DENND5A: variants seen among roughly 807,000 people sequenced by gnomAD.
DENND5A encodes the protein DENN domain containing 5A.
In DENND5A, 64 loss-of-function variants were observed where a neutral mutation model predicts 140.3. That is an observed-to-expected ratio of 0.46 (90% confidence interval 0.37 to 0.56). The LOEUF is 0.56. Ranked by LOEUF, DENND5A falls within the 20% of genes least tolerant of loss-of-function variation. The pLI is 0.00. For synonymous variants in DENND5A, 605 were observed against 607.7 expected (o/e 1.00, Z 0.07); for missense variants, 1,292 against 1,593.8 (o/e 0.81, Z 3.22).
intron 1 of DENND5A, among the ~76,000 whole-genome samples, chr11:9,225,737 G>T (rs1398106580): frequency 6.6e-6 from 1 of 152,146 alleles, no homozygotes; most frequent in East Asian, 1.9e-4. Context: ...ACTCCAGCCT[G>T]GGCAACAGAG....
In DENND5A at chr11:9,237,381, C is replaced by T. The variant is rs562212207; in HGVS notation, c.109+27580G>A. Among the ~76,000 whole-genome samples the T allele has an allele frequency of 2.0e-5, 3 of 152,002 alleles. No individual in the cohort carries two copies. The South Asian group carries it at 6.3e-4, about 32-fold the overall frequency. The stretch of plus-strand genomic sequence containing the variant: ...AGGTTGCAGTGAGGCAAGATTGTAC[C>T]ACTGCACTCCAGCCTGGGCAGTAAG... On this transcript the variant is annotated intron_variant, in intron 1 of 22. Transcript: ENST00000328194.
At chr11:9,227,722 C>A (rs1850589409) in intron 1 of DENND5A, among the ~76,000 whole-genome samples, 1 of 151,774 alleles carries the variant, frequency 6.6e-6, no homozygotes, top group Non-Finnish European at 1.5e-5. Flanking sequence ...CTATGGGAGG[C>A]CAAGATGGGA....
chr11:9,158,372 T>C (rs1460581507), intron 12 of DENND5A, among the ~76,000 whole-genome samples: 2 of 147,382 alleles, frequency 1.4e-5, no homozygotes. Flanking sequence ...TAGGGAGACC[T>C]CATCTCTACA....
intron 1 of DENND5A, among the ~76,000 whole-genome samples, chr11:9,262,934 G>C (rs1432962505): frequency 6.6e-6 from 1 of 151,862 alleles, no homozygotes; most frequent in African/African-American, 2.4e-5. Flanking sequence ...GTAGAGACGG[G>C]GTTTCACCCT....
chr11:9,150,705 T>C lies in DENND5A; in HGVS notation c.2581A>G (p.Arg861Gly). 7 of 1,613,486 alleles carry C rather than the reference T, an allele frequency of 4.3e-6. No homozygotes were observed. The highest frequency in any genetic ancestry group is 5.9e-6 in the Non-Finnish European group (7 of 1,179,546). The change falls in exon 14 of 23, where the codon AGG (arginine) becomes GGG (glycine). Residue 861 changes from arginine (R) to glycine (G), a missense_variant. Physicochemically the swap from Arg to Gly is moderately radical, Grantham distance 125 (BLOSUM62 -2). Transcript: ENST00000328194. ...CTCATATCCTGAATCAGGGAGATCC[T>C]CAGGGGAGGCATGAGTGAGCTGGCA... is the stretch of plus-strand genomic sequence containing the variant. Reference protein sequence around the residue: ...SDASSLMPPLRISLIQDMRHI... With the variant: ...SDASSLMPPLGISLIQDMRHI...
chr11:9,222,007 T>C (rs949806470), intron 1 of DENND5A, among the ~76,000 whole-genome samples: 7 of 152,096 alleles, frequency 4.6e-5, no homozygotes, highest in African/African-American at 1.7e-4. Flanking sequence ...TCCGCCCACC[T>C]TGGCCTCCCA....
At chr11:9,252,792 G>C (rs1288885544) in intron 1 of DENND5A, among the ~76,000 whole-genome samples, 3 of 151,920 alleles carry the variant, frequency 2.0e-5, no homozygotes, top group African/African-American at 7.3e-5. Flanking sequence ...TGTGTACCCA[G>C]GTTCCTAAGA....
At chr11:9,247,514 T>C (rs1009811056) in intron 1 of DENND5A, among the ~76,000 whole-genome samples, 1 of 151,592 alleles carries the variant, frequency 6.6e-6, no homozygotes, top group East Asian at 1.9e-4. Flanking sequence ...AAAATGTTTT[T>C]ATCAAATAAA....
At chr11:9,142,236 T>A in intron 21 of DENND5A, 128 bp from the exon 22 acceptor site, 1 of 653,074 alleles carries the variant, frequency 1.5e-6, no homozygotes, top group Non-Finnish European at 2.5e-6. Context: ...ACAAGTGTTC[T>A]GATGTCACTG....
chr11:9,258,119 C>T (rs998423511), intron 1 of DENND5A, among the ~76,000 whole-genome samples: 1 of 152,062 alleles, frequency 6.6e-6, no homozygotes, highest in Non-Finnish European at 1.5e-5. Context: ...AGTATTCTTT[C>T]TTTTTCCTTT....
At chr11:9,230,107 C>T (rs189380540) in intron 1 of DENND5A, among the ~76,000 whole-genome samples, 4,971 of 151,130 alleles carry the variant, frequency 0.033, 127 homozygotes, top group East Asian at 0.082. Context: ...GACGGGGTTT[C>T]ACCGTGTTAG....
At chr11:9,255,790 G>A (rs1364787323) in intron 1 of DENND5A, among the ~76,000 whole-genome samples, 4 of 151,912 alleles carry the variant, frequency 2.6e-5, no homozygotes, top group African/African-American at 7.3e-5. Flanking sequence ...GCTTGAACCC[G>A]GGAGGCAGAG....
intron 1 of DENND5A, among the ~76,000 whole-genome samples, chr11:9,254,979 G>A (rs1385466982): frequency 1.3e-5 from 2 of 152,118 alleles, no homozygotes; most frequent in African/African-American, 2.4e-5. Flanking sequence ...GCTGAGGCAT[G>A]AGAATCGCTT....
At chr11:9,223,185 T>G (rs1170668756) in intron 1 of DENND5A, among the ~76,000 whole-genome samples, 2 of 151,498 alleles carry the variant, frequency 1.3e-5, no homozygotes, top group African/African-American at 4.9e-5. Context: ...GCTGAGGAGT[T>G]CAAGACCAGC....
chr11:9,233,466 G>C (rs1020470881), intron 1 of DENND5A, among the ~76,000 whole-genome samples: 2 of 151,696 alleles, frequency 1.3e-5, no homozygotes, highest in Non-Finnish European at 1.5e-5. Flanking sequence ...TTGAATGGTG[G>C]CCCCAAAAAA....
chr11:9,155,983 A>G (rs1208036796), intron 12 of DENND5A, among the ~76,000 whole-genome samples: 1 of 152,222 alleles, frequency 6.6e-6, no homozygotes, highest in Non-Finnish European at 1.5e-5. Flanking sequence ...GCGGTTGCTT[A>G]GGAAGGTACC....
Position 9,203,919 on chromosome 11 carries a change from G to A in DENND5A, c.690C>T (p.Val230=), listed in dbSNP as rs1488555927. The A allele has an allele frequency of 6.2e-7, 1 of 1,614,140 alleles. No individual in the cohort carries two copies. Among genetic ancestry groups the A allele is most frequent in the East Asian group, 2.2e-5 (1 of 44,878 alleles). ...RSVLEQLHQA[V]TSPQPPPLPL... ...GCAGTGGAGGGGGCTGAGGTGAAGT[G>A]ACTGCCTGGTGGAGTTGCTCCAGCA... Residue 230 remains valine (V), a synonymous_variant, in exon 4 of 23, where the codon GTC becomes GTT. Transcript: ENST00000328194.
intron 11 of DENND5A, among the ~76,000 whole-genome samples, chr11:9,164,643 C>T (rs1848124073): frequency 6.6e-6 from 1 of 152,050 alleles, no homozygotes; most frequent in Admixed American, 6.6e-5. Flanking sequence ...CAGAGAAAAA[C>T]ACCCAAACAA....
chr11:9,176,712 T>G, intron 8 of DENND5A: 1 of 321,134 alleles, frequency 3.1e-6, no homozygotes, highest in African/African-American at 2.2e-5. Context: ...TCAGAGAAGG[T>G]TTCATAGAGA....
Sources: gnomAD v4.1 joint callset for allele counts (sites outside exome capture counted in the v4.1 genomes callset) on GRCh38, gnomAD v4.1.1 for gene constraint, MANE v1.5 for transcripts, NCBI Gene and HGNC (gene_info 2026-07-23, HGNC 2026-07-21) for gene names.